GTF2F2: variants seen among roughly 807,000 people sequenced by gnomAD.
GTF2F2 encodes ATP-dependent helicase GTF2F2.
In GTF2F2, 23 loss-of-function variants were observed where a neutral mutation model predicts 42.2. The ratio of observed to expected loss-of-function variants is 0.55; its 90% CI spans 0.39 to 0.77. The LOEUF (loss-of-function observed/expected upper bound fraction) is 0.77. GTF2F2 is among the 30% of genes least tolerant of loss of function. The pLI, the probability that GTF2F2 is intolerant of heterozygous loss-of-function variation, is 0.00. For synonymous variants in GTF2F2, 105 were observed against 100.8 expected (o/e 1.04, Z -0.25); for missense variants, 261 against 287.2 (o/e 0.91, Z 0.66).
rs554761511 is a variant in GTF2F2, at chr13:45,222,575, G to T, written c.386+15070G>T. Among the ~76,000 whole-genome samples the T allele has an allele frequency of 3.3e-5, 5 of 151,848 alleles. No individual in the cohort carries two copies. The South Asian group carries it at 8.3e-4, about 25-fold the overall frequency. Reference sequence around the variant, plus strand: ...GATGTCATTTCCTGTTAGAACTAAGGTTAATACTATAGGATGAGCACATTT... The same window carrying T: ...GATGTCATTTCCTGTTAGAACTAAGTTTAATACTATAGGATGAGCACATTT... On this transcript the variant is annotated intron_variant, in intron 5 of 7. Coordinates refer to ENST00000340473, the MANE Select transcript of GTF2F2 (RefSeq NM_004128.3).
At chr13:45,235,758 AT>A (rs979416875) in intron 5 of GTF2F2, among the ~76,000 whole-genome samples, 2 of 149,616 alleles carry the variant, frequency 1.3e-5, no homozygotes, top group East Asian at 3.9e-4. Flanking sequence ...CCTGGCTTTT[AT>A]TTTTTTTTAT....
chr13:45,259,075 T>C (rs1876223904), intron 6 of GTF2F2, among the ~76,000 whole-genome samples: 1 of 152,230 alleles, frequency 6.6e-6, no homozygotes, highest in African/African-American at 2.4e-5. Flanking sequence ...TGTCCTCTGT[T>C]GTCTAGACAT....
chr13:45,201,713 G>A (rs1873194359), intron 4 of GTF2F2, among the ~76,000 whole-genome samples: 1 of 152,064 alleles, frequency 6.6e-6, no homozygotes, highest in African/African-American at 2.4e-5. Context: ...GATTCTTTTG[G>A]TTGCAAGTAG....
chr13:45,185,633 T>C (rs572900929), intron 4 of GTF2F2, among the ~76,000 whole-genome samples: 6 of 152,334 alleles, frequency 3.9e-5, no homozygotes, highest in Non-Finnish European at 8.8e-5. Context: ...TAAGGTAATA[T>C]ATATGTTAAT....
intron 6 of GTF2F2, among the ~76,000 whole-genome samples, chr13:45,259,029 C>G (rs967319357): frequency 2.0e-5 from 3 of 152,154 alleles, no homozygotes; most frequent in Admixed American, 2.0e-4. Flanking sequence ...TATAAACTTT[C>G]TCATAAGGAA....
intron 1 of GTF2F2, among the ~76,000 whole-genome samples, chr13:45,130,075 G>T (rs1869256207): frequency 6.6e-6 from 1 of 152,232 alleles, no homozygotes; most frequent in Non-Finnish European, 1.5e-5. Context: ...GAAGATATGG[G>T]ATAGGATCAT....
chr13:45,191,224 A>AATATATAT lies in GTF2F2; in HGVS notation c.305-16176_305-16169dup, dbSNP rs1165963910. ...GTCTCTACTAAAAATACAAAAAAAA[A>AATATATAT]ATATATATATATATATATATATATA... On this transcript the variant is annotated intron_variant, in intron 4 of 7. Coordinates refer to ENST00000340473, the MANE Select transcript of GTF2F2 (RefSeq NM_004128.3). 5.0e-3 allele frequency among the ~76,000 whole-genome samples: 378 copies of AATATATAT among 75,242 alleles called. 4 individuals carry two copies. The highest frequency in any genetic ancestry group is 6.7e-3 in the South Asian group (17 of 2,538). The allele number at this position is 75,242 out of a possible 152,430, so 49.4% of individuals were successfully genotyped here.
chr13:45,235,957 C>CA (rs1874956638), intron 5 of GTF2F2, among the ~76,000 whole-genome samples: 1 of 151,894 alleles, frequency 6.6e-6, no homozygotes, highest in African/African-American at 2.4e-5. Context: ...CTATTTACCA[C>CA]AAAAAGTACA....
At chr13:45,258,419 A>G (rs1348066345) in intron 6 of GTF2F2, among the ~76,000 whole-genome samples, 1 of 151,618 alleles carries the variant, frequency 6.6e-6, no homozygotes, top group African/African-American at 2.4e-5. Flanking sequence ...TCCTATTGGC[A>G]GAACCCCAGC....
chr13:45,138,697 G>A (rs1869760981), intron 2 of GTF2F2, among the ~76,000 whole-genome samples: 1 of 152,212 alleles, frequency 6.6e-6, no homozygotes, highest in Non-Finnish European at 1.5e-5. Context: ...CCTTGCTGGA[G>A]TGCTGTGGCG....
chr13:45,265,831 G>T (rs1349029132), intron 6 of GTF2F2, among the ~76,000 whole-genome samples: 1 of 152,034 alleles, frequency 6.6e-6, no homozygotes, highest in Non-Finnish European at 1.5e-5. Context: ...CATTGTTTTC[G>T]AAGCTAGTCC....
chr13:45,266,660 G>A (rs1222675800), intron 6 of GTF2F2, among the ~76,000 whole-genome samples: 2 of 152,152 alleles, frequency 1.3e-5, no homozygotes, highest in Non-Finnish European at 2.9e-5. Flanking sequence ...TTGGCAAAAG[G>A]CCTTTTTGGG....
chr13:45,213,310 A>T lies in GTF2F2; in HGVS notation c.386+5805A>T, dbSNP rs1566137549. 2.0e-5 allele frequency among the ~76,000 whole-genome samples: 3 copies of T among 152,052 alleles called. No individual in the cohort carries two copies. The East Asian group carries it at 5.8e-4, about 29-fold the overall frequency. ...TAGCCAGGATGATCTCAATCACCTG[A>T]CCTTGTGATCCACCCGCCTCGGCCC... On this transcript the variant is annotated intron_variant, in intron 5 of 7. Transcript: ENST00000340473.
chr13:45,158,447 A>G (rs1176201331), intron 4 of GTF2F2, among the ~76,000 whole-genome samples: 2 of 152,246 alleles, frequency 1.3e-5, no homozygotes, highest in Non-Finnish European at 2.9e-5. Flanking sequence ...GTGTGAAAAC[A>G]GACTAATACA....
In GTF2F2 at chr13:45,173,225, CGA is replaced by C. The variant is rs1461187420; in HGVS notation, c.304+21399_304+21400del. Among the ~76,000 whole-genome samples the C allele has an allele frequency of 2.0e-5, 3 of 151,524 alleles. No homozygotes were observed. The East Asian group carries it at 5.8e-4, about 29-fold the overall frequency. ...CACATGTAGTTGTAAAAAATAATAC[CGA>C]GAGATTGGATGTACCCTTTACTCAG... On this transcript the variant is annotated intron_variant, in intron 4 of 7. Transcript: ENST00000340473.
chr13:45,255,864 A>G (rs752709094), intron 6 of GTF2F2, among the ~76,000 whole-genome samples: 27 of 152,186 alleles, frequency 1.8e-4, no homozygotes, highest in Non-Finnish European at 3.5e-4. Flanking sequence ...GCACTTTCAT[A>G]GGCTGTAAAG....
intron 4 of GTF2F2, among the ~76,000 whole-genome samples, chr13:45,189,011 G>T (rs912246849): frequency 2.6e-5 from 4 of 151,628 alleles, no homozygotes; most frequent in Non-Finnish European, 5.9e-5. Context: ...CCATCAACTT[G>T]TCATTTACAT....
At chr13:45,164,324 T>C (rs919116248) in intron 4 of GTF2F2, among the ~76,000 whole-genome samples, 4 of 151,224 alleles carry the variant, frequency 2.6e-5, no homozygotes, top group Non-Finnish European at 4.4e-5. Context: ...GTGATGGCAC[T>C]AGTATAGTAA....
At chr13:45,242,491 A>G (rs902125956) in intron 5 of GTF2F2, among the ~76,000 whole-genome samples, 1 of 152,034 alleles carries the variant, frequency 6.6e-6, no homozygotes, top group African/African-American at 2.4e-5. Context: ...ACAAATTGCA[A>G]TCAAATGCAC....
Sources: gnomAD v4.1 joint callset for allele counts (sites outside exome capture counted in the v4.1 genomes callset) on GRCh38, gnomAD v4.1.1 for gene constraint, MANE v1.5 for transcripts, NCBI Gene and HGNC (gene_info 2026-07-23, HGNC 2026-07-21) for gene names.